Variants in LRRC4C observed in about 807,000 individuals in gnomAD.
LRRC4C encodes the protein leucine-rich repeat-containing protein 4C.
In LRRC4C, 5 loss-of-function variants were observed where a neutral mutation model predicts 33.6. The ratio of observed to expected loss-of-function variants is 0.15; its 90% confidence interval spans 0.08 to 0.31. LRRC4C has a LOEUF of 0.31. Among genes scored for constraint, LRRC4C ranks in the 10% least tolerant of loss-of-function variants. The pLI, the probability that LRRC4C is intolerant of heterozygous loss-of-function variation, is 1.00. For missense variants in LRRC4C, 560 were observed against 796.7 expected, an observed-to-expected ratio of 0.70 and a Z score of 3.58; for synonymous variants, 329 against 302.0, an observed-to-expected ratio of 1.09 and a Z score of -0.93.
Position 40,114,649 on chromosome 11 carries a change from G to A in LRRC4C, c.1644C>T (p.Tyr548=). ...GCCGATGGTGCTGCTTCCTCATCTT[G>A]TAGAAAATGACCAGCATCACTGCAG... ...LMAAVMLVIF[Y]KMRKQHHRQN... The change falls in exon 7 of 7, where the codon TAC becomes TAT. Residue 548 remains tyrosine, a synonymous_variant. Transcript: ENST00000528697. 6.2e-7 allele frequency: 1 copy of A among 1,614,110 alleles called. No homozygotes were observed. The highest frequency in any genetic ancestry group is 8.5e-7 in the Non-Finnish European group (1 of 1,180,030).
chr11:41,408,755 A>AAAAAAAAAACAAAC (rs1555167138), intron 1 of LRRC4C, among the ~76,000 whole-genome samples: 7 of 148,094 alleles, frequency 4.7e-5, no homozygotes, highest in African/African-American at 1.9e-4. Flanking sequence ...TGTAAAAAAA[A>AAAAAAAAAACAAAC]AAAAAAAAAA....
chr11:40,423,563 C>T (rs1329476392), intron 3 of LRRC4C, among the ~76,000 whole-genome samples: 2 of 151,856 alleles, frequency 1.3e-5, no homozygotes, highest in African/African-American at 4.8e-5. Flanking sequence ...CCAGGATGGT[C>T]TCGATCTCCT....
chr11:40,811,228 C>T (rs919882288), intron 2 of LRRC4C, among the ~76,000 whole-genome samples: 1 of 152,060 alleles, frequency 6.6e-6, no homozygotes, highest in Non-Finnish European at 1.5e-5. Flanking sequence ...AAAAGAGGCC[C>T]TCTCCAACTC....
intron 2 of LRRC4C, among the ~76,000 whole-genome samples, chr11:40,699,375 G>A (rs1332348636): frequency 6.6e-6 from 1 of 152,154 alleles, no homozygotes; most frequent in African/African-American, 2.4e-5. Context: ...ATTAATAGGT[G>A]TAGAAAGCCT....
chr11:40,175,972 T>C (rs1379139290), intron 5 of LRRC4C, among the ~76,000 whole-genome samples: 2 of 152,190 alleles, frequency 1.3e-5, no homozygotes, highest in African/African-American at 4.8e-5. Flanking sequence ...TAAGAAGCCT[T>C]GCCTTTCAGA....
intron 1 of LRRC4C, among the ~76,000 whole-genome samples, chr11:41,019,665 T>C (rs952768535): frequency 6.6e-6 from 1 of 152,140 alleles, no homozygotes; most frequent in African/African-American, 2.4e-5. Flanking sequence ...TATTTATCCA[T>C]AGCCTCACCA....
At chr11:40,696,938 G>T (rs1270295219) in intron 2 of LRRC4C, among the ~76,000 whole-genome samples, 1 of 151,688 alleles carries the variant, frequency 6.6e-6, no homozygotes, top group African/African-American at 2.4e-5. Context: ...CCCAAACTGA[G>T]AAAAATCTGG....
At chr11:40,830,793 C>T (rs1184897679) in intron 2 of LRRC4C, among the ~76,000 whole-genome samples, 1 of 152,042 alleles carries the variant, frequency 6.6e-6, no homozygotes, top group East Asian at 1.9e-4. Context: ...GACTGACTTC[C>T]CATGGAATGC....
intron 1 of LRRC4C, among the ~76,000 whole-genome samples, chr11:41,188,285 C>T (rs1272320103): frequency 6.6e-6 from 1 of 152,112 alleles, no homozygotes; most frequent in Non-Finnish European, 1.5e-5. Context: ...AGTTAAGCAA[C>T]ATATTCTTAT....
At chr11:40,376,607 A>G (rs1438320981) in intron 3 of LRRC4C, among the ~76,000 whole-genome samples, 1 of 152,162 alleles carries the variant, frequency 6.6e-6, no homozygotes, top group Admixed American at 6.6e-5. Flanking sequence ...AGTGTTTGGC[A>G]TATATGAACT....
At chr11:41,242,818 T>C (rs1427037205) in intron 1 of LRRC4C, among the ~76,000 whole-genome samples, 3 of 152,202 alleles carry the variant, frequency 2.0e-5, no homozygotes, top group Admixed American at 2.0e-4. Context: ...GGAAATAAGC[T>C]ATACCTGGTA....
chr11:40,279,118 C>T (rs1467552168), intron 4 of LRRC4C, among the ~76,000 whole-genome samples: 1 of 152,164 alleles, frequency 6.6e-6, no homozygotes, highest in Non-Finnish European at 1.5e-5. Flanking sequence ...ACATCTGGAT[C>T]AAACTACACC....
chr11:41,108,837 A>C (rs1036335822), intron 1 of LRRC4C, among the ~76,000 whole-genome samples: 2 of 152,088 alleles, frequency 1.3e-5, no homozygotes, highest in African/African-American at 4.8e-5. Flanking sequence ...CTTTGATAAA[A>C]ATTAACAACC....
intron 1 of LRRC4C, among the ~76,000 whole-genome samples, chr11:41,224,422 C>T (rs1947440261): frequency 6.6e-6 from 1 of 152,068 alleles, no homozygotes; most frequent in Admixed American, 6.6e-5. Context: ...ATCCAAGAGG[C>T]CAGTTTTAGG....
intron 3 of LRRC4C, among the ~76,000 whole-genome samples, chr11:40,387,064 G>T (rs935196909): frequency 6.6e-6 from 1 of 152,016 alleles, no homozygotes; most frequent in African/African-American, 2.4e-5. Context: ...GGATATTTTT[G>T]TTACAAAATA....
chr11:40,398,754 C>T (rs1300313247), intron 3 of LRRC4C, among the ~76,000 whole-genome samples: 1 of 152,126 alleles, frequency 6.6e-6, no homozygotes, highest in African/African-American at 2.4e-5. Context: ...TTCTAGACAT[C>T]ACACTATTAA....
At chr11:41,421,911 T>C (rs1954884703) in intron 1 of LRRC4C, among the ~76,000 whole-genome samples, 1 of 152,046 alleles carries the variant, frequency 6.6e-6, no homozygotes, top group African/African-American at 2.4e-5. Flanking sequence ...TTGAGACCGA[T>C]AAGTGGTCCA....
chr11:41,385,509 A>C (rs555337430), intron 1 of LRRC4C, among the ~76,000 whole-genome samples: 1 of 151,752 alleles, frequency 6.6e-6, no homozygotes, highest in Admixed American at 6.6e-5. Context: ...CACATGCATA[A>C]ATAAGTTATT....
chr11:40,654,503 G>A lies in LRRC4C; in HGVS notation c.-406-6225C>T, dbSNP rs916044273. ...ATTTTGGACTTGCATGGGACCTACA[G>A]CCCCTTTGTTTTGGCCAATTTCTCC... On this transcript the variant is annotated intron_variant, in intron 2 of 6. Transcript: ENST00000528697. Among the ~76,000 whole-genome samples the A allele has an allele frequency of 3.3e-5, 5 of 152,156 alleles. 1 individual carries two copies. The highest frequency in any genetic ancestry group is 3.3e-4 in the Admixed American group (5 of 15,286).
Sources: gnomAD v4.1 joint callset for allele counts (sites outside exome capture counted in the v4.1 genomes callset) on GRCh38, gnomAD v4.1.1 for gene constraint, MANE v1.5 for transcripts, NCBI Gene and HGNC (gene_info 2026-07-23, HGNC 2026-07-21) for gene names.